Variants in UNC13C observed in about 807,000 individuals in gnomAD.
The protein encoded by UNC13C is protein unc-13 homolog C.
In UNC13C, 174 loss-of-function variants were observed where a neutral mutation model predicts 245.4. The ratio of observed to expected loss-of-function variants is 0.71; its 90% CI spans 0.63 to 0.80. UNC13C has a LOEUF of 0.80. Among genes scored for constraint, UNC13C ranks in the 30% least tolerant of loss-of-function variants. The pLI is 0.00. For synonymous variants in UNC13C, 992 were observed against 895.1 expected (o/e 1.11, Z -1.93); for missense variants, 2,829 against 2,602.9 (o/e 1.09, Z -1.89).
intron 4 of UNC13C, among the ~76,000 whole-genome samples, chr15:54,231,385 A>G (rs1053895275): frequency 2.0e-5 from 3 of 152,016 alleles, no homozygotes; most frequent in Admixed American, 6.6e-5. Flanking sequence ...GAGATATAGG[A>G]TATCCCAATC....
rs1894292004 is a variant in UNC13C, at chr15:53,989,587, TTTTTA to T, written c.-257+10663_-257+10667del. On this transcript the variant is annotated intron_variant, in intron 1 of 32. Coordinates refer to ENST00000260323, the MANE Select transcript of UNC13C (RefSeq NM_001080534.3). ...TATGCCACGTAAAACATGTTTTCTTTTTTTATTCTCAGATATACAAATAGCCAAAT... is the reference window on the plus strand; with the variant it reads ...TATGCCACGTAAAACATGTTTTCTTTTTCTCAGATATACAAATAGCCAAAT... Among the ~76,000 whole-genome samples, 3 of 152,156 alleles carry T rather than the reference TTTTTA, an allele frequency of 2.0e-5. No homozygotes were observed. The South Asian group carries it at 6.2e-4, about 32-fold the overall frequency.
At chr15:54,000,198 T>G (rs1404366986) in intron 1 of UNC13C, among the ~76,000 whole-genome samples, 1 of 152,072 alleles carries the variant, frequency 6.6e-6, no homozygotes, top group African/African-American at 2.4e-5. Context: ...TCAAGAAATG[T>G]CATAAAGATA....
intron 21 of UNC13C, 71 bp downstream of exon 21, chr15:54,500,246 G>A: frequency 9.2e-7 from 1 of 1,090,162 alleles, no homozygotes; most frequent in Non-Finnish European, 1.3e-6. Context: ...AACCTAATGG[G>A]AATTATTAGA....
At chr15:54,211,094 C>T (rs532182072) in intron 4 of UNC13C, among the ~76,000 whole-genome samples, 1 of 152,204 alleles carries the variant, frequency 6.6e-6, no homozygotes, top group Admixed American at 6.5e-5. Context: ...ATAGTAGAAA[C>T]TCAGTGAATG....
chr15:53,955,295 A>G, the UNC13C span, among the ~76,000 whole-genome samples: 56 of 144,164 alleles, frequency 3.9e-4, no homozygotes, highest in Admixed American at 2.5e-3. Context: ...ACACACACAC[A>G]CACACATAAA....
At chr15:54,352,570 A>G (rs2039008801) in intron 17 of UNC13C, among the ~76,000 whole-genome samples, 1 of 151,770 alleles carries the variant, frequency 6.6e-6, no homozygotes, top group Non-Finnish European at 1.5e-5. Flanking sequence ...ACAGTGTCAA[A>G]CAGAAGGCAT....
chr15:54,127,615 T>G (rs1045495994), intron 2 of UNC13C, among the ~76,000 whole-genome samples: 1 of 151,084 alleles, frequency 6.6e-6, no homozygotes, highest in Non-Finnish European at 1.5e-5. Context: ...ACATGACGGG[T>G]TAATGGGTAC....
chr15:54,127,404 A>T (rs570339848), intron 2 of UNC13C, among the ~76,000 whole-genome samples: 1 of 152,292 alleles, frequency 6.6e-6, no homozygotes, highest in Non-Finnish European at 1.5e-5. Flanking sequence ...TGACCTTTGC[A>T]GGGACATGGA....
At chr15:54,157,192 C>T (rs2032785478) in intron 4 of UNC13C, among the ~76,000 whole-genome samples, 1 of 152,176 alleles carries the variant, frequency 6.6e-6, no homozygotes, top group African/African-American at 2.4e-5. Flanking sequence ...GAGAAGGGAA[C>T]ATTCCCACAT....
At chr15:54,534,347 G>A (rs980675736) in intron 26 of UNC13C, among the ~76,000 whole-genome samples, 3 of 152,182 alleles carry the variant, frequency 2.0e-5, no homozygotes. Context: ...AATGAAGCCA[G>A]TTGACTTTGA....
the UNC13C span, among the ~76,000 whole-genome samples, chr15:53,905,830 G>A: frequency 6.6e-6 from 1 of 151,994 alleles, no homozygotes; most frequent in Non-Finnish European, 1.5e-5. Context: ...CTTGACTTTG[G>A]TGATTATTTC....
rs58264883 is a variant in UNC13C at position 54,028,684 on chromosome 15, CTT to C, written c.2983+12818_2983+12819del. 6.9e-5 allele frequency among the ~76,000 whole-genome samples: 6 copies of C among 87,080 alleles called. No individual in the cohort carries two copies. The South Asian group carries it at 1.4e-3, about 21-fold the overall frequency. The allele number at this position is 87,080 out of a possible 152,430, so 57.1% of individuals were successfully genotyped here. Reference sequence around the variant, plus strand: ...TGGCCTCCAGAGTCAGCCTACAAGTCTTTTTTTTTTTTTTTTTTTTTGAGACG... The same window carrying C: ...TGGCCTCCAGAGTCAGCCTACAAGTCTTTTTTTTTTTTTTTTTTTGAGACG... On this transcript the variant is annotated intron_variant, in intron 2 of 32. Transcript: ENST00000260323.
At chr15:54,124,475 C>T (rs1487623642) in intron 2 of UNC13C, among the ~76,000 whole-genome samples, 1 of 152,116 alleles carries the variant, frequency 6.6e-6, no homozygotes, top group Non-Finnish European at 1.5e-5. Context: ...TGCCAGTTTC[C>T]ATATTAGATT....
At chr15:54,411,375 G>A (rs2040413400) in intron 18 of UNC13C, among the ~76,000 whole-genome samples, 3 of 151,766 alleles carry the variant, frequency 2.0e-5, no homozygotes, top group African/African-American at 7.3e-5. Context: ...TTATTTTATG[G>A]GTTTACACCT....
intron 13 of UNC13C, among the ~76,000 whole-genome samples, chr15:54,300,968 G>A (rs897694572): frequency 9.5e-5 from 14 of 147,290 alleles, no homozygotes; most frequent in Middle Eastern, 3.4e-3. Flanking sequence ...TATAAAAAAT[G>A]TGATACCACA....
intron 29 of UNC13C, among the ~76,000 whole-genome samples, chr15:54,562,747 G>C (rs1316647236): frequency 6.6e-6 from 1 of 151,950 alleles, no homozygotes; most frequent in Admixed American, 6.6e-5. Flanking sequence ...TATATCATCT[G>C]AAGCTGTTTA....
chr15:54,077,432 G>A (rs1204126505), intron 2 of UNC13C, among the ~76,000 whole-genome samples: 1 of 115,414 alleles, frequency 8.7e-6, no homozygotes, highest in Non-Finnish European at 1.6e-5. Flanking sequence ...AGGCTGGAGT[G>A]CTTTGGCATG....
At chr15:54,342,383 A>C (rs1418176541) in intron 17 of UNC13C, among the ~76,000 whole-genome samples, 2 of 152,156 alleles carry the variant, frequency 1.3e-5, no homozygotes, top group African/African-American at 4.8e-5. Flanking sequence ...TGGGCAACAT[A>C]GCAAGACCCT....
At chr15:54,113,603 G>A (rs1280801655) in intron 2 of UNC13C, among the ~76,000 whole-genome samples, 1 of 152,076 alleles carries the variant, frequency 6.6e-6, no homozygotes, top group Non-Finnish European at 1.5e-5. Flanking sequence ...GAGGCGGGTG[G>A]ATCATGAAGT....
Sources: allele counts gnomAD v4.1 joint callset (sites outside exome capture counted in the v4.1 genomes callset), GRCh38; gene constraint gnomAD v4.1.1; transcripts MANE v1.5; gene names NCBI Gene and HGNC (gene_info 2026-07-23, HGNC 2026-07-21).